Variants in CTNND2 observed in about 807,000 individuals in gnomAD.
The protein encoded by CTNND2 is catenin delta 2.
In CTNND2, 22 loss-of-function variants were observed where a neutral mutation model predicts 144.4. The ratio of observed to expected loss-of-function variants is 0.15; its 90% CI spans 0.11 to 0.22. The LOEUF is 0.22. Among genes scored for constraint, CTNND2 ranks in the 10% least tolerant of loss-of-function variants. The pLI, the probability that CTNND2 is intolerant of heterozygous loss-of-function variation, is 1.00. For synonymous variants in CTNND2, 751 were observed against 695.6 expected, an observed-to-expected ratio of 1.08 and a Z score of -1.25; for missense variants, 1,353 against 1,618.8, an observed-to-expected ratio of 0.84 and a Z score of 2.82.
intron 15 of CTNND2, among the ~76,000 whole-genome samples, chr5:11,088,254 C>T (rs1282966189): frequency 6.6e-6 from 1 of 152,014 alleles, no homozygotes; most frequent in Non-Finnish European, 1.5e-5. Flanking sequence ...CTGTGTGTTC[C>T]TTAGTAACAG....
intron 11 of CTNND2, among the ~76,000 whole-genome samples, chr5:11,167,696 C>CTTT (rs34347219): frequency 1.5e-5 from 2 of 137,852 alleles, no homozygotes; most frequent in South Asian, 2.3e-4. Context: ...GTCATATTCA[C>CTTT]TTTTTTTTTT....
At chr5:11,556,046 G>T (rs1030132995) in intron 3 of CTNND2, among the ~76,000 whole-genome samples, 6 of 152,136 alleles carry the variant, frequency 3.9e-5, no homozygotes, top group African/African-American at 1.4e-4. Context: ...CAACTTTATT[G>T]GAGCAGTAAT....
At chr5:11,630,898 G>A (rs1315044444) in intron 2 of CTNND2, among the ~76,000 whole-genome samples, 2 of 151,580 alleles carry the variant, frequency 1.3e-5, no homozygotes, top group African/African-American at 2.4e-5. Flanking sequence ...AGGCTGCAGT[G>A]AGCCAAGGTC....
chr5:11,771,987 A>C (rs2126827271), intron 1 of CTNND2, among the ~76,000 whole-genome samples: 1 of 152,332 alleles, frequency 6.6e-6, no homozygotes. Flanking sequence ...TTGCTGATCC[A>C]AAGGACAGTT....
Position 11,342,855 on chromosome 5 carries a change from T to A in CTNND2, c.1628+3517A>T, listed in dbSNP as rs61750717. Among the ~76,000 whole-genome samples the A allele has an allele frequency of 1.8e-3, 268 of 152,346 alleles. 1 individual carries two copies. The highest frequency in any genetic ancestry group is 5.5e-3 in the African/African-American group (228 of 41,584). Reference sequence around the variant, plus strand: ...AAGAGTTATATTTGACTTTCATGTTTAAAAACAACAGTATATAGAACTCAA... The same window carrying A: ...AAGAGTTATATTTGACTTTCATGTTAAAAAACAACAGTATATAGAACTCAA... On this transcript the variant is annotated intron_variant, in intron 9 of 21. Transcript: ENST00000304623.
intron 18 of CTNND2, among the ~76,000 whole-genome samples, chr5:11,014,267 T>C (rs887282293): frequency 2.6e-5 from 4 of 152,178 alleles, no homozygotes; most frequent in African/African-American, 4.8e-5. Context: ...TCCCCAACCA[T>C]AGTCAAACAT....
At position 11,311,779 on chromosome 5, in the gene CTNND2, T is replaced by TCA. The variant is rs113111244; in HGVS notation, c.1628+34591_1628+34592dup. Among the ~76,000 whole-genome samples, 405 of 105,512 alleles carry TCA rather than the reference T, an allele frequency of 3.8e-3. 1 individual carries two copies. The highest frequency in any genetic ancestry group is 0.015 in the East Asian group (45 of 3,000). 69.2% of individuals were successfully genotyped at this position (105,512 alleles called of 152,430 possible). A position where few individuals can be genotyped will look rare whatever the true frequency, so the allele number is the denominator to read the frequency against. On this transcript the variant is annotated intron_variant, in intron 9 of 21. Coordinates refer to ENST00000304623, the MANE Select transcript of CTNND2 (RefSeq NM_001332.4). Reference sequence around the variant, plus strand: ...CACTCACTCTCCATGCACCCTCACCTCACACACACACACACACACACACTC... The same window carrying TCA: ...CACTCACTCTCCATGCACCCTCACCTCACACACACACACACACACACACACTC...
At chr5:11,526,029 A>G in intron 3 of CTNND2, among the ~76,000 whole-genome samples, 1 of 152,024 alleles carries the variant, frequency 6.6e-6, no homozygotes, top group South Asian at 2.1e-4. Context: ...TCAGCCTCCT[A>G]TGTAGCTGGA....
chr5:11,605,582 C>T (rs1451215626), intron 2 of CTNND2, among the ~76,000 whole-genome samples: 1 of 152,084 alleles, frequency 6.6e-6, no homozygotes, highest in African/African-American at 2.4e-5. Flanking sequence ...TAAAAAAGAT[C>T]CACTTAATGT....
rs756033535 is a variant in CTNND2 at position 11,384,291 on chromosome 5, T to C, written c.1177+374A>G. 8.5e-5 allele frequency among the ~76,000 whole-genome samples: 13 copies of C among 152,242 alleles called. No homozygotes were observed. Among genetic ancestry groups the C allele is most frequent in the Non-Finnish European group, 1.6e-4 (11 of 68,040 alleles). On this transcript the variant is annotated intron_variant, in intron 7 of 21. Transcript: ENST00000304623. This position sits in a 1 kb window ranked among gnomAD's most constrained non-coding sequence, Gnocchi z 5.2. ...AGACAACTAAAGGTGACCCTGTCAA[T>C]ACTGCAACTGTTACTTGTTTTGCTT...
At chr5:11,901,554 T>G (rs139413255) in intron 1 of CTNND2, among the ~76,000 whole-genome samples, 266 of 152,342 alleles carry the variant, frequency 1.7e-3, no homozygotes, top group African/African-American at 5.4e-3. Flanking sequence ...AGTGTATGAC[T>G]TTTATTACGA....
At chr5:11,082,541 A>G (rs1749686374) in intron 16 of CTNND2, among the ~76,000 whole-genome samples, 155 bp downstream of exon 16, 1 of 152,230 alleles carries the variant, frequency 6.6e-6, no homozygotes, top group Admixed American at 6.5e-5. Flanking sequence ...AGTGCAGTGG[A>G]TTTAAATCAG....
At chr5:11,463,252 G>A (rs1314356103) in intron 3 of CTNND2, among the ~76,000 whole-genome samples, 1 of 152,212 alleles carries the variant, frequency 6.6e-6, no homozygotes, top group East Asian at 1.9e-4. Flanking sequence ...CGTCTTCAGA[G>A]GTAAGAGTAA....
intron 3 of CTNND2, among the ~76,000 whole-genome samples, chr5:11,454,816 G>A (rs1765596805): frequency 6.6e-6 from 1 of 151,764 alleles, no homozygotes; most frequent in African/African-American, 2.4e-5. Context: ...TGCCCAGGCT[G>A]GTCTCGAATT....
At chr5:11,448,161 A>G (rs1018545710) in intron 3 of CTNND2, among the ~76,000 whole-genome samples, 4 of 152,170 alleles carry the variant, frequency 2.6e-5, no homozygotes, top group Non-Finnish European at 5.9e-5. Context: ...GTGCTGTTCA[A>G]TTGTTACTGC....
At chr5:11,273,428 T>C (rs1181153413) in intron 9 of CTNND2, among the ~76,000 whole-genome samples, 2 of 152,188 alleles carry the variant, frequency 1.3e-5, no homozygotes, top group Non-Finnish European at 2.9e-5. Context: ...CCCTTGGTTA[T>C]AGGGAGAAGT....
chr5:11,862,399 T>C (rs896133248), intron 1 of CTNND2, among the ~76,000 whole-genome samples: 1 of 152,202 alleles, frequency 6.6e-6, no homozygotes, highest in Non-Finnish European at 1.5e-5. Flanking sequence ...TTGGAATTTG[T>C]TCAAGTATGC....
chr5:11,883,791 CCAA>C (rs1436964216), intron 1 of CTNND2, among the ~76,000 whole-genome samples: 2 of 152,186 alleles, frequency 1.3e-5, no homozygotes, highest in Non-Finnish European at 2.9e-5. Context: ...ATTTACACTC[CCAA>C]CAACAGTGTA....
intron 2 of CTNND2, among the ~76,000 whole-genome samples, chr5:11,674,818 T>C (rs1005869535): frequency 1.3e-4 from 20 of 152,064 alleles, no homozygotes; most frequent in Admixed American, 3.3e-4. Flanking sequence ...CTCTGTCCCC[T>C]GGGTTCAAGC....
Sources: gnomAD v4.1 joint callset for allele counts (sites outside exome capture counted in the v4.1 genomes callset) on GRCh38, gnomAD v4.1.1 for gene constraint, Gnocchi (gnomAD v3.1) non-coding constraint, MANE v1.5 for transcripts, NCBI Gene and HGNC (gene_info 2026-07-23, HGNC 2026-07-21) for gene names.